The following SCAPER variants were observed in gnomAD, a reference collection of about 807,000 sequenced individuals.
SCAPER encodes the protein S phase cyclin A-associated protein in the endoplasmic reticulum.
Under a neutral mutation model 182.2 loss-of-function variants are expected in SCAPER, and 98 were observed. That is an observed-to-expected ratio of 0.54 (90% confidence interval 0.46 to 0.64). SCAPER has a LOEUF of 0.64. Ranked by LOEUF, SCAPER falls within the 30% of genes least tolerant of loss-of-function variation. SCAPER has a pLI of 0.00. For missense variants in SCAPER, 1,432 were observed against 1,690.0 expected (o/e 0.85, Z 2.68); for synonymous variants, 605 against 564.6 (o/e 1.07, Z -1.01).
intron 2 of SCAPER, among the ~76,000 whole-genome samples, chr15:76,875,791 C>T (rs1209709029): frequency 4.6e-5 from 7 of 152,166 alleles, no homozygotes; most frequent in East Asian, 3.8e-4. Context: ...CAGAACTTTG[C>T]GGTGAATGTC....
At chr15:76,872,809 CTT>C (rs1177713935) in intron 2 of SCAPER, among the ~76,000 whole-genome samples, 3 of 151,388 alleles carry the variant, frequency 2.0e-5, no homozygotes, top group African/African-American at 4.9e-5. Context: ...GTACTATAAT[CTT>C]ATGAAATTTT....
intron 5 of SCAPER, among the ~76,000 whole-genome samples, chr15:76,834,360 A>G (rs1197989886): frequency 6.6e-6 from 1 of 152,212 alleles, no homozygotes. Context: ...TAGTAAGAGG[A>G]AAGTTTATAG....
chr15:76,450,704 C>T (rs2048316808), intron 25 of SCAPER, among the ~76,000 whole-genome samples: 2 of 152,102 alleles, frequency 1.3e-5, no homozygotes, highest in South Asian at 4.2e-4. Context: ...CAGGCATGTG[C>T]CACCACGCCT....
intron 27 of SCAPER, among the ~76,000 whole-genome samples, chr15:76,391,251 G>A (rs568018918): frequency 8.4e-4 from 128 of 152,252 alleles, no homozygotes; most frequent in Non-Finnish European, 1.5e-3. Context: ...CAGAGAGGCC[G>A]TTCCTGACCA....
At chr15:76,837,233 T>C (rs528195486) in intron 5 of SCAPER, among the ~76,000 whole-genome samples, 102 of 152,226 alleles carry the variant, frequency 6.7e-4, no homozygotes, top group Middle Eastern at 3.4e-3. Flanking sequence ...GCAAAGGACA[T>C]GGACACTTCT....
Position 76,381,427 on chromosome 15 carries a change from C to G in SCAPER, c.3656G>C (p.Ser1219Thr). ...TGCAAAGCTGTTGAAGAAACGTAAACTCTGAATGGCCACTTGGATGGTATT... is the reference window on the plus strand; with the variant it reads ...TGCAAAGCTGTTGAAGAAACGTAAAGTCTGAATGGCCACTTGGATGGTATT... ...TQNTIQVAIQ[S>T]LRFFNSFAAL... Residue 1219 changes from serine to threonine, a missense_variant, in exon 28 of 32, where the codon AGT (serine) becomes ACT (threonine). Coordinates refer to ENST00000563290, the MANE Select transcript of SCAPER (RefSeq NM_020843.4). 3 of 1,613,830 alleles carry G rather than the reference C, an allele frequency of 1.9e-6. No individual in the cohort carries two copies. The highest frequency in any genetic ancestry group is 2.5e-6 in the Non-Finnish European group (3 of 1,179,858).
Position 76,841,908 on chromosome 15 carries a change from T to C in SCAPER, c.219A>G (p.Ile73Met), listed in dbSNP as rs1273014073. ...GTTTATCTCCAGTCGTAGACGATGT[T>C]ATTTTACAGTCCACTGCAGTACTCT... ...TKQSTAVDCK[I>M]TSSTTGDKHF... The change falls in exon 5 of 32, where the codon ATA (isoleucine) becomes ATG (methionine). Residue 73 changes from isoleucine (I) to methionine (M), a missense_variant. Around this residue, in one of 5 missense-constraint regions of SCAPER, gnomAD observed 480 missense variants for 510.2 expected, o/e 0.94. Coordinates refer to ENST00000563290, the MANE Select transcript of SCAPER (RefSeq NM_020843.4). 6.2e-7 allele frequency: 1 copy of C among 1,613,886 alleles called. No individual in the cohort carries two copies. The highest frequency in any genetic ancestry group is 8.5e-7 in the Non-Finnish European group (1 of 1,179,848).
intron 20 of SCAPER, among the ~76,000 whole-genome samples, chr15:76,676,475 C>G (rs755111651): frequency 2.6e-5 from 4 of 152,032 alleles, no homozygotes; most frequent in Non-Finnish European, 5.9e-5. Flanking sequence ...CCCAGTCTAC[C>G]TAATATTTAG....
chr15:76,609,380 C>T (rs1446274512), intron 22 of SCAPER, among the ~76,000 whole-genome samples: 1 of 151,512 alleles, frequency 6.6e-6, no homozygotes, highest in Non-Finnish European at 1.5e-5. Context: ...TCCTAACTAC[C>T]GAGGAGGCTG....
intron 4 of SCAPER, among the ~76,000 whole-genome samples, chr15:76,850,903 G>A (rs994511537): frequency 3.4e-5 from 5 of 149,252 alleles, no homozygotes; most frequent in African/African-American, 1.2e-4. Flanking sequence ...AATATGGATA[G>A]GAACATAGAT....
chr15:76,854,744 G>A (rs1328081651), intron 4 of SCAPER, among the ~76,000 whole-genome samples: 1 of 150,038 alleles, frequency 6.7e-6, no homozygotes, highest in Non-Finnish European at 1.5e-5. Flanking sequence ...TGGATCATGA[G>A]GTCAGAAGAT....
In SCAPER at chr15:76,766,912, G is replaced by A; in HGVS notation, c.1419+6C>T. On this transcript the variant is annotated splice_donor_region_variant and intron_variant, in intron 11 of 31. Transcript: ENST00000563290. ...AATAGTTATGTTAAAAAGTCTAAAA[G>A]CTCACAGAAAAATCACTGTCGTTGT... 2 of 1,583,456 alleles carry A rather than the reference G, an allele frequency of 1.3e-6. No individual in the cohort carries two copies. The highest frequency in any genetic ancestry group is 1.7e-6 in the Non-Finnish European group (2 of 1,171,800).
chr15:76,717,658 TA>T (rs956672590), intron 17 of SCAPER, among the ~76,000 whole-genome samples: 1 of 152,070 alleles, frequency 6.6e-6, no homozygotes, highest in African/African-American at 2.4e-5. Flanking sequence ...AAGCTCATAG[TA>T]ACCACAAAAC....
At chr15:76,703,768 T>A (rs567582803) in intron 18 of SCAPER, among the ~76,000 whole-genome samples, 2 of 152,196 alleles carry the variant, frequency 1.3e-5, no homozygotes, top group African/African-American at 2.4e-5. Flanking sequence ...GTACTTAGCA[T>A]CTGAATTTAA....
chr15:76,682,443 G>A (rs1318248576), intron 20 of SCAPER, among the ~76,000 whole-genome samples: 1 of 152,064 alleles, frequency 6.6e-6, no homozygotes, highest in African/African-American at 2.4e-5. Context: ...CCCTGCCACT[G>A]CAAGCGCGAG....
chr15:76,817,330 G>A lies in SCAPER; in HGVS notation c.394-12697C>T, dbSNP rs752543359. Among the ~76,000 whole-genome samples the A allele has an allele frequency of 2.0e-5, 3 of 152,132 alleles. No homozygotes were observed. In the South Asian group the frequency reaches 6.2e-4, roughly 31 times the overall value. On this transcript the variant is annotated intron_variant, in intron 5 of 31. Transcript: ENST00000563290. ...AGCCAGACCTACAAAGAAAAATAGT[G>A]TATGATCTCATTTATATATATATAA... is the stretch of plus-strand genomic sequence containing the variant.
At chr15:76,898,147 T>C (rs554666102) in intron 1 of SCAPER, among the ~76,000 whole-genome samples, 4 of 152,290 alleles carry the variant, frequency 2.6e-5, no homozygotes, top group African/African-American at 9.6e-5. Flanking sequence ...AACAAGCCTA[T>C]GAAAACATGT....
At chr15:76,441,390 C>A (rs1298492445) in intron 25 of SCAPER, among the ~76,000 whole-genome samples, 1 of 152,096 alleles carries the variant, frequency 6.6e-6, no homozygotes, top group Non-Finnish European at 1.5e-5. Flanking sequence ...TAGTGTATGC[C>A]TTAGTGGTCA....
intron 25 of SCAPER, among the ~76,000 whole-genome samples, chr15:76,452,919 C>A (rs1401996750): frequency 6.6e-6 from 1 of 152,004 alleles, no homozygotes; most frequent in Non-Finnish European, 1.5e-5. Context: ...CAACCTCAAT[C>A]TCTTGGGCCC....
Sources: allele counts gnomAD v4.1 joint callset (sites outside exome capture counted in the v4.1 genomes callset), GRCh38; gene constraint gnomAD v4.1.1; regional missense constraint gnomAD v4.1.1; transcripts MANE v1.5; gene names NCBI Gene and HGNC (gene_info 2026-07-23, HGNC 2026-07-21).